The following PHIP variants were observed in gnomAD, a reference collection of about 807,000 sequenced individuals.
PHIP encodes PH-interacting protein.
A neutral mutation model predicts 236.8 loss-of-function variants in PHIP; 54 were observed. That is an observed-to-expected ratio of 0.23 (90% confidence interval 0.18 to 0.29). The LOEUF is 0.29. PHIP is among the 10% of genes least tolerant of loss of function. The pLI, the probability that PHIP is intolerant of heterozygous loss-of-function variation, is 1.00. For synonymous variants in PHIP, 756 were observed against 718.9 expected (o/e 1.05, Z -0.83); for missense variants, 1,370 against 2,190.8 (o/e 0.63, Z 7.48).
intron 6 of PHIP, among the ~76,000 whole-genome samples, chr6:79,044,091 G>A (rs557230842): frequency 1.3e-5 from 2 of 151,726 alleles, no homozygotes; most frequent in South Asian, 4.2e-4. Context: ...CCACACTCCC[G>A]CTGCCCCCAC....
Position 78,969,810 on chromosome 6 carries a change from G to A in PHIP, c.3205+25C>T, listed in dbSNP as rs7742746. On this transcript the variant is annotated intron_variant, in intron 27 of 39. Coordinates refer to ENST00000275034, the MANE Select transcript of PHIP (RefSeq NM_017934.7). ...AGAAAAAAAAACCACATCAAACATC[G>A]ATAGCTTCTAAATAAATTACCCACC... 166 of 1,138,266 alleles carry A rather than the reference G, an allele frequency of 1.5e-4. 1 individual carries two copies. The Middle Eastern group carries it at 5.2e-3, about 36-fold the overall frequency. The allele number at this position is 1,138,266 out of a possible 1,614,324, so 70.5% of individuals were successfully genotyped here.
intron 27 of PHIP, among the ~76,000 whole-genome samples, chr6:78,967,158 G>A (rs533905654): frequency 2.0e-5 from 3 of 152,006 alleles, no homozygotes; most frequent in Non-Finnish European, 2.9e-5. Context: ...AGCATGAAAT[G>A]AATTAAAAAT....
chr6:79,021,646 G>A (rs992312559), intron 9 of PHIP, among the ~76,000 whole-genome samples: 9 of 152,186 alleles, frequency 5.9e-5, no homozygotes, highest in Admixed American at 4.6e-4. Flanking sequence ...AACATCACAT[G>A]TTCTCACTTA....
In PHIP at chr6:78,939,524, A is replaced by T. The variant is rs181958712; in HGVS notation, c.*1169T>A. ...GACATTTTAAAATTATTTTTATTCT[A>T]CTGCTATCTAAAAAATCCTGAAAAA... is the stretch of plus-strand genomic sequence containing the variant. On this transcript the variant is annotated 3_prime_UTR_variant, in exon 40 of 40. Coordinates refer to ENST00000275034, the MANE Select transcript of PHIP (RefSeq NM_017934.7). The T allele has an allele frequency of 2.8e-4, 42 of 151,992 alleles. No homozygotes were observed. In the East Asian group the frequency reaches 7.3e-3, roughly 26 times the overall value. 9.4% of individuals were successfully genotyped at this position (151,992 alleles called of 1,614,324 possible). A position where few individuals can be genotyped will look rare whatever the true frequency, so the allele number is the denominator to read the frequency against.
chr6:79,053,072 C>T (rs1454716214), intron 6 of PHIP, among the ~76,000 whole-genome samples: 1 of 152,152 alleles, frequency 6.6e-6, no homozygotes, highest in Non-Finnish European at 1.5e-5. Flanking sequence ...AATCCTAGCA[C>T]TTTGGGAGAC....
chr6:79,059,974 T>C (rs1773289572), intron 6 of PHIP, among the ~76,000 whole-genome samples: 1 of 152,074 alleles, frequency 6.6e-6, no homozygotes, highest in Non-Finnish European at 1.5e-5. Context: ...AAGATTAGTT[T>C]GGATGATGCT....
At chr6:79,061,344 G>A (rs1436147469) in intron 4 of PHIP, among the ~76,000 whole-genome samples, 1 of 152,056 alleles carries the variant, frequency 6.6e-6, no homozygotes, top group Non-Finnish European at 1.5e-5. Context: ...TATTCTCAAA[G>A]TATGTTTTGG....
At chr6:79,012,205 G>T (rs932848858) in intron 15 of PHIP, among the ~76,000 whole-genome samples, 2 of 151,446 alleles carry the variant, frequency 1.3e-5, no homozygotes, top group African/African-American at 4.8e-5. Flanking sequence ...AATTTCCAAT[G>T]GAAAATTCAA....
intron 4 of PHIP, among the ~76,000 whole-genome samples, chr6:79,068,722 C>T (rs929076318): frequency 1.3e-5 from 2 of 152,140 alleles, no homozygotes; most frequent in Non-Finnish European, 1.5e-5. Context: ...ATTGACCCTT[C>T]GTGTTGAACA....
At chr6:78,961,024 A>G in intron 31 of PHIP, among the ~76,000 whole-genome samples, 1 of 152,102 alleles carries the variant, frequency 6.6e-6, no homozygotes, top group Non-Finnish European at 1.5e-5. Flanking sequence ...ATTAAAACTA[A>G]AAACAGGATT....
chr6:79,072,026 T>C (rs1205180238), intron 4 of PHIP, among the ~76,000 whole-genome samples: 1 of 152,112 alleles, frequency 6.6e-6, no homozygotes, highest in Non-Finnish European at 1.5e-5. Flanking sequence ...TTAGGATTTA[T>C]TTTACCTAAA....
chr6:78,985,509 T>G, intron 21 of PHIP, 81 bp from the exon 22 acceptor site: 1 of 803,536 alleles, frequency 1.2e-6, no homozygotes, highest in Non-Finnish European at 2.2e-6. Context: ...CAGTGATATC[T>G]TATAATATCA....
intron 39 of PHIP, among the ~76,000 whole-genome samples, chr6:78,942,506 AAAC>A (rs535202166): frequency 3.2e-4 from 49 of 152,252 alleles, no homozygotes; most frequent in Non-Finnish European, 5.7e-4. Context: ...AAACAAAACA[AAAC>A]AACATGGTTA....
At chr6:78,986,970 A>G (rs1043475229) in intron 21 of PHIP, among the ~76,000 whole-genome samples, 4 of 152,140 alleles carry the variant, frequency 2.6e-5, no homozygotes, top group Non-Finnish European at 5.9e-5. Flanking sequence ...CATTCCAAAT[A>G]CAAAATACTA....
rs1293141346 is a variant in PHIP, at chr6:78,969,864, T to C, written c.3176A>G (p.Asp1059Gly). Residue 1059 changes from aspartate (D) to glycine (G), a missense_variant, in exon 27 of 40, where the codon GAT (aspartate) becomes GGT (glycine). Physicochemically the swap from Asp to Gly is moderately conservative, Grantham distance 94. Around this residue, in one of 14 missense-constraint regions of PHIP, gnomAD observed 238 missense variants for 398.5 expected, o/e 0.60. Transcript: ENST00000275034. Reference protein sequence around the residue: ...IDFLVLRQQFDDAKYRRWNIG... With the variant: ...IDFLVLRQQFGDAKYRRWNIG... ...ATTCCATCGCCTGTATTTTGCATCA[T>C]CAAATTGTTGTCTCAAGACTAGGAA... The C allele has an allele frequency of 1.9e-6, 3 of 1,591,910 alleles. No homozygotes were observed. The highest frequency in any genetic ancestry group is 1.3e-5 in the African/African-American group (1 of 74,386).
At chr6:79,060,430 G>T in intron 6 of PHIP, 48 bp downstream of exon 6, 1 of 1,281,534 alleles carries the variant, frequency 7.8e-7, no homozygotes, top group Non-Finnish European at 1.1e-6. Context: ...ATTTTCAAAA[G>T]CTCTTTACCA....
chr6:78,935,046 G>A lies in PHIP; in HGVS notation c.*5647C>T, dbSNP rs552549830. On this transcript the variant is annotated 3_prime_UTR_variant, in exon 40 of 40. Coordinates refer to ENST00000275034, the MANE Select transcript of PHIP (RefSeq NM_017934.7). Reference sequence around the variant, plus strand: ...TGCTTTGGTCTTTAATCTTACTTCCGTTAAATACTGGGGAATCCTGGGTCA... The same window carrying A: ...TGCTTTGGTCTTTAATCTTACTTCCATTAAATACTGGGGAATCCTGGGTCA... Among the ~76,000 whole-genome samples the A allele has an allele frequency of 4.6e-5, 7 of 152,206 alleles. No individual in the cohort carries two copies. The East Asian group carries it at 5.8e-4, about 13-fold the overall frequency.
At chr6:79,057,900 CGAT>C (rs1318612331) in intron 6 of PHIP, among the ~76,000 whole-genome samples, 7 of 151,894 alleles carry the variant, frequency 4.6e-5, no homozygotes, top group Admixed American at 4.6e-4. Context: ...TACTTTATAG[CGAT>C]AATAAAACAA....
chr6:78,948,044 A>T (rs1773925335), intron 35 of PHIP, among the ~76,000 whole-genome samples: 1 of 152,050 alleles, frequency 6.6e-6, no homozygotes, highest in South Asian at 2.1e-4. Flanking sequence ...ATGGAGTTGT[A>T]TTGGAAAAGG....
Sources: gnomAD v4.1 joint callset for allele counts (sites outside exome capture counted in the v4.1 genomes callset) on GRCh38, gnomAD v4.1.1 for gene constraint, gnomAD v4.1.1 regional missense constraint, MANE v1.5 for transcripts, NCBI Gene and HGNC (gene_info 2026-07-23, HGNC 2026-07-21) for gene names.